PARD3: variants seen among roughly 807,000 people sequenced by gnomAD.
The protein encoded by PARD3 is partitioning defective 3 homolog.
In PARD3, 75 loss-of-function variants were observed where a neutral mutation model predicts 155.4. The ratio of observed to expected loss-of-function variants is 0.48; its 90% CI spans 0.40 to 0.58. PARD3 has a LOEUF of 0.58. PARD3 is among the 20% of genes least tolerant of loss of function. PARD3 has a pLI of 0.00. For synonymous variants in PARD3, 576 were observed against 610.5 expected (o/e 0.94, Z 0.83); for missense variants, 1,642 against 1,721.7 (o/e 0.95, Z 0.82).
At chr10:34,322,870 G>A (rs1048801586) in intron 19 of PARD3, among the ~76,000 whole-genome samples, 6 of 152,150 alleles carry the variant, frequency 3.9e-5, no homozygotes, top group Non-Finnish European at 8.8e-5. Context: ...TAGGAACACA[G>A]ATACTTGAGC....
chr10:34,572,474 T>C (rs1372137576), intron 2 of PARD3, among the ~76,000 whole-genome samples: 1 of 152,020 alleles, frequency 6.6e-6, no homozygotes, highest in Admixed American at 6.6e-5. Context: ...ACCCTGTCTC[T>C]ACCAAAAATA....
chr10:34,775,658 C>A (rs902486761), intron 1 of PARD3, among the ~76,000 whole-genome samples: 2 of 152,012 alleles, frequency 1.3e-5, no homozygotes, highest in African/African-American at 4.8e-5. Flanking sequence ...AATTTGGGTG[C>A]AAATATAAAG....
chr10:34,669,296 T>C (rs1397981611), intron 2 of PARD3, among the ~76,000 whole-genome samples: 1 of 152,060 alleles, frequency 6.6e-6, no homozygotes, highest in Non-Finnish European at 1.5e-5. Context: ...AAGAATGAAA[T>C]CATGTCTTGC....
rs766001258 is a variant in PARD3 at position 34,317,207 on chromosome 10, T to C, written c.2965A>G (p.Lys989Glu). 3 of 1,613,766 alleles carry C rather than the reference T, an allele frequency of 1.9e-6. No homozygotes were observed. The highest frequency in any genetic ancestry group is 1.3e-5 in the African/African-American group (1 of 74,924). Reference protein sequence around the residue: ...QEKGDKTDRKKDKTGKEKKKD... With the variant: ...QEKGDKTDRKEDKTGKEKKKD... ...TTCTTTTCTTTTCCAGTTTTATCCT[T>C]TTTTCTATCAGTCTTATCACCTTTC... is the stretch of plus-strand genomic sequence containing the variant. The change falls in exon 20 of 25, where the codon AAG (lysine) becomes GAG (glutamate). Residue 989 changes from lysine (K) to glutamate (E), a missense_variant. Lys to Glu is a moderately conservative substitution (Grantham distance 56, BLOSUM62 1). Transcript: ENST00000374788.
At chr10:34,625,580 G>A (rs1304183265) in intron 2 of PARD3, among the ~76,000 whole-genome samples, 1 of 152,184 alleles carries the variant, frequency 6.6e-6, no homozygotes, top group Admixed American at 6.5e-5. Flanking sequence ...TTTTCGACTT[G>A]AAAACAAAGG....
chr10:34,241,327 A>G (rs1953577933), intron 22 of PARD3, among the ~76,000 whole-genome samples: 1 of 152,136 alleles, frequency 6.6e-6, no homozygotes, highest in Non-Finnish European at 1.5e-5. Flanking sequence ...CTAGGACTCT[A>G]CATTTGGCCT....
intron 22 of PARD3, among the ~76,000 whole-genome samples, chr10:34,163,298 C>T (rs1949372203): frequency 6.6e-6 from 1 of 152,118 alleles, no homozygotes; most frequent in African/African-American, 2.4e-5. Context: ...AACAATTAGA[C>T]TAAGATTAGA....
chr10:34,198,522 G>C (rs1951060817), intron 22 of PARD3, among the ~76,000 whole-genome samples: 1 of 151,570 alleles, frequency 6.6e-6, no homozygotes, highest in Admixed American at 6.6e-5. Context: ...ATAACTGGAA[G>C]GATGATCCTA....
chr10:34,131,344 G>A (rs1382724095), intron 23 of PARD3, 119 bp downstream of exon 23: 1 of 1,043,586 alleles, frequency 9.6e-7, no homozygotes, highest in Non-Finnish European at 1.4e-6. Flanking sequence ...TATGTTAAAG[G>A]TCAAAGGAAT....
intron 1 of PARD3, among the ~76,000 whole-genome samples, chr10:34,773,239 A>C (rs1354286118): frequency 6.6e-6 from 1 of 152,234 alleles, no homozygotes; most frequent in East Asian, 1.9e-4. Context: ...TAGTTATAAC[A>C]TGTTTAACCT....
chr10:34,661,692 C>T (rs1448312879), intron 2 of PARD3, among the ~76,000 whole-genome samples: 1 of 152,198 alleles, frequency 6.6e-6, no homozygotes, highest in Non-Finnish European at 1.5e-5. Context: ...CATCCATCAT[C>T]TGGCCTTCAT....
At chr10:34,555,819 G>C (rs887776424) in intron 2 of PARD3, among the ~76,000 whole-genome samples, 6 of 152,012 alleles carry the variant, frequency 3.9e-5, no homozygotes, top group African/African-American at 7.3e-5. Context: ...AGGTGTCCTG[G>C]ATGACTCCAC....
intron 23 of PARD3, among the ~76,000 whole-genome samples, chr10:34,123,627 G>T (rs1461376557): frequency 6.6e-6 from 1 of 151,852 alleles, no homozygotes; most frequent in African/African-American, 2.4e-5. Flanking sequence ...TAGAGGCAGG[G>T]TCTTGCTGTG....
At chr10:34,559,661 A>G (rs1489086560) in intron 2 of PARD3, among the ~76,000 whole-genome samples, 1 of 152,226 alleles carries the variant, frequency 6.6e-6, no homozygotes, top group Non-Finnish European at 1.5e-5. Context: ...CATCAATGCC[A>G]CAATTTCTTC....
At chr10:34,189,511 G>A (rs1420283258) in intron 22 of PARD3, among the ~76,000 whole-genome samples, 2 of 152,164 alleles carry the variant, frequency 1.3e-5, no homozygotes, top group Non-Finnish European at 2.9e-5. Flanking sequence ...TTGCCCCTCT[G>A]AGCACTTGAA....
chr10:34,570,274 G>C (rs2086285512), intron 2 of PARD3, among the ~76,000 whole-genome samples: 1 of 152,130 alleles, frequency 6.6e-6, no homozygotes, highest in Admixed American at 6.5e-5. Flanking sequence ...GAAGGTTGGG[G>C]TACCAAGGAC....
intron 20 of PARD3, among the ~76,000 whole-genome samples, chr10:34,292,601 A>G (rs1020653197): frequency 5.3e-5 from 8 of 152,202 alleles, no homozygotes; most frequent in African/African-American, 1.9e-4. Context: ...AAGGAAATTC[A>G]CAAACTTGAG....
chr10:34,670,011 A>T (rs78348739), intron 2 of PARD3, among the ~76,000 whole-genome samples: 1,894 of 152,370 alleles, frequency 0.012, 36 homozygotes, highest in African/African-American at 0.044. Flanking sequence ...TAACACGAAC[A>T]AAGTCACAGG....
intron 12 of PARD3, among the ~76,000 whole-genome samples, chr10:34,371,160 G>C (rs1372665925): frequency 6.6e-6 from 1 of 151,890 alleles, no homozygotes; most frequent in Non-Finnish European, 1.5e-5. Context: ...TCAAAGAGTA[G>C]TATAAATTGC....
Sources: allele counts gnomAD v4.1 joint callset (sites outside exome capture counted in the v4.1 genomes callset), GRCh38; gene constraint gnomAD v4.1.1; transcripts MANE v1.5; gene names NCBI Gene and HGNC (gene_info 2026-07-23, HGNC 2026-07-21).